TNRC6A: variants seen among roughly 807,000 people sequenced by gnomAD.
TNRC6A encodes the protein trinucleotide repeat containing adaptor 6A, also known as trinucleotide repeat-containing gene 6A protein.
In TNRC6A, 44 loss-of-function variants were observed where a neutral mutation model predicts 221.2. That is an observed-to-expected ratio of 0.20 (90% CI 0.16 to 0.26). TNRC6A has a LOEUF of 0.26. TNRC6A is among the 10% of genes least tolerant of loss of function. The pLI is 1.00. For synonymous variants in TNRC6A, 847 were observed against 838.5 expected, an observed-to-expected ratio of 1.01 and a Z score of -0.18; for missense variants, 2,199 against 2,404.4, an observed-to-expected ratio of 0.91 and a Z score of 1.79.
chr16:24,658,631 TACA>T lies in TNRC6A; in HGVS notation n.402+17623_402+17625del, dbSNP rs1208690225. Among the ~76,000 whole-genome samples the T allele has an allele frequency of 5.3e-5, 8 of 152,234 alleles. No individual in the cohort carries two copies. The South Asian group carries it at 1.0e-3, about 20-fold the overall frequency. ...CCTCGGCCTCCCAAAGTGCTGGGAT[TACA>T]GGTATGAGCCACAGAGCCCCACCCA... On this transcript the variant is annotated intron_variant and non_coding_transcript_variant, in intron 2 of 2. Transcript: ENST00000566108.
chr16:24,763,526 A>G (rs2151550413), intron 4 of TNRC6A, among the ~76,000 whole-genome samples: 1 of 152,352 alleles, frequency 6.6e-6, no homozygotes, highest in South Asian at 2.1e-4. Context: ...CACTGCCAGT[A>G]TCATCCATGT....
chr16:24,820,507 A>G (rs906791116), intron 22 of TNRC6A, 147 bp downstream of exon 22: 7 of 699,264 alleles, frequency 1.0e-5, no homozygotes, highest in Middle Eastern at 3.8e-4. Context: ...CAAATGATCC[A>G]CCCAAAGGCA....
At chr16:24,744,851 G>A (rs200531) in intron 2 of TNRC6A, among the ~76,000 whole-genome samples, 124,689 of 151,882 alleles carry the variant, frequency 0.82, 51,277 homozygotes, top group East Asian at 0.89. Context: ...CTTTATGCAC[G>A]TACAAGGACA....
intron 2 of TNRC6A, among the ~76,000 whole-genome samples, chr16:24,731,400 T>G (rs1211015359): frequency 6.6e-6 from 1 of 152,200 alleles, no homozygotes; most frequent in Non-Finnish European, 1.5e-5. Context: ...ACTAATCTGT[T>G]CAGGTGATCG....
At chr16:24,801,203 G>A (rs897958168) in intron 11 of TNRC6A, among the ~76,000 whole-genome samples, 2 of 152,198 alleles carry the variant, frequency 1.3e-5, no homozygotes, top group Admixed American at 1.3e-4. Context: ...GTAAGCTATA[G>A]GAATAGTTTG....
At chr16:24,783,349 G>A (rs868272206) in intron 5 of TNRC6A, among the ~76,000 whole-genome samples, 8 of 152,086 alleles carry the variant, frequency 5.3e-5, no homozygotes, top group Middle Eastern at 3.4e-3. Context: ...GGCTGGTCTC[G>A]AACTCCTGAC....
intron 2 of TNRC6A, among the ~76,000 whole-genome samples, chr16:24,667,416 T>TCA (rs2055195534): frequency 6.6e-6 from 1 of 152,220 alleles, no homozygotes; most frequent in African/African-American, 2.4e-5. Context: ...GACTCAGAAC[T>TCA]GACCCATCAT....
At chr16:24,712,243 G>A (rs1032113398) in intron 2 of TNRC6A, among the ~76,000 whole-genome samples, 11 of 152,108 alleles carry the variant, frequency 7.2e-5, no homozygotes, top group Admixed American at 2.6e-4. Context: ...AACCTCAAGC[G>A]ATCCTCCTGC....
intron 4 of TNRC6A, among the ~76,000 whole-genome samples, chr16:24,761,975 A>G (rs1470885064): frequency 1.3e-5 from 2 of 152,024 alleles, no homozygotes; most frequent in Non-Finnish European, 2.9e-5. Flanking sequence ...TCACTCCTTC[A>G]TATCAGTGCC....
chr16:24,795,901 T>C lies in TNRC6A; in HGVS notation c.3529-6T>C. Reference sequence around the variant, plus strand: ...TGCTGTTTTGTGACTTTGTCTTTCCTTACAGGGTCTGAGTGGCAAAAAAAG... The same window carrying C: ...TGCTGTTTTGTGACTTTGTCTTTCCCTACAGGGTCTGAGTGGCAAAAAAAG... On this transcript the variant is annotated splice_polypyrimidine_tract_variant and splice_region_variant and intron_variant, in intron 8 of 24. Coordinates refer to ENST00000395799, the MANE Select transcript of TNRC6A (RefSeq NM_014494.4). 6.3e-7 allele frequency: 1 copy of C among 1,598,284 alleles called. No homozygotes were observed. The highest frequency in any genetic ancestry group is 8.6e-7 in the Non-Finnish European group (1 of 1,169,570).
intron 5 of TNRC6A, among the ~76,000 whole-genome samples, chr16:24,787,561 T>C (rs2058001310): frequency 6.6e-6 from 1 of 152,206 alleles, no homozygotes; most frequent in Non-Finnish European, 1.5e-5. Context: ...TGACTTATTG[T>C]TACCCTTTAT....
At chr16:24,807,008 CTTT>C (rs770899112) in intron 17 of TNRC6A, among the ~76,000 whole-genome samples, 8 of 141,044 alleles carry the variant, frequency 5.7e-5, no homozygotes, top group Admixed American at 1.4e-4. Context: ...CTTTCCTTTT[CTTT>C]TTTTTTTTTT....
At chr16:24,757,663 A>G (rs979628545) in intron 3 of TNRC6A, among the ~76,000 whole-genome samples, 10 of 152,206 alleles carry the variant, frequency 6.6e-5, no homozygotes, top group African/African-American at 2.4e-4. Flanking sequence ...GGTGTCAGAA[A>G]ATAAAGGAAG....
intron 2 of TNRC6A, chr16:24,661,815 T>C (rs1404258666): frequency 6.6e-6 from 1 of 152,138 alleles, no homozygotes; most frequent in Admixed American, 6.5e-5. Context: ...ATCAAGTAAT[T>C]AATGCCCAGT....
At chr16:24,748,029 A>G (rs185620655) in intron 2 of TNRC6A, among the ~76,000 whole-genome samples, 7 of 152,292 alleles carry the variant, frequency 4.6e-5, no homozygotes, top group African/African-American at 1.4e-4. Context: ...TACCTGTGCT[A>G]TTTTGACACA....
At chr16:24,638,142 G>A (rs540396474) in intron 1 of TNRC6A, among the ~76,000 whole-genome samples, 171 of 152,314 alleles carry the variant, frequency 1.1e-3, no homozygotes, top group Non-Finnish European at 1.9e-3. Context: ...TAGCGGCCAG[G>A]CGCAGTGGCT....
At chr16:24,694,719 A>C (rs2055824330) in intron 2 of TNRC6A, among the ~76,000 whole-genome samples, 1 of 147,972 alleles carries the variant, frequency 6.8e-6, no homozygotes. Context: ...GGATCACTTG[A>C]GGCCAGGAGC....
intron 2 of TNRC6A, among the ~76,000 whole-genome samples, chr16:24,688,555 A>G (rs1464552061): frequency 6.6e-6 from 1 of 152,212 alleles, no homozygotes; most frequent in Non-Finnish European, 1.5e-5. Flanking sequence ...GTCAATCAGG[A>G]CATGGCATTT....
At chr16:24,660,125 T>G (rs1488943141) in intron 2 of TNRC6A, among the ~76,000 whole-genome samples, 4 of 152,132 alleles carry the variant, frequency 2.6e-5, no homozygotes, top group African/African-American at 9.7e-5. Flanking sequence ...TAGTGTTTGG[T>G]TACATGAGTA....
Sources: gnomAD v4.1 joint callset for allele counts (sites outside exome capture counted in the v4.1 genomes callset) on GRCh38, gnomAD v4.1.1 for gene constraint, MANE v1.5 for transcripts, NCBI Gene and HGNC (gene_info 2026-07-23, HGNC 2026-07-21) for gene names.